CFAP73: variants seen among roughly 807,000 people sequenced by gnomAD.
CFAP73 encodes the protein cilia- and flagella-associated protein 73.
Under a neutral mutation model 42.9 loss-of-function variants are expected in CFAP73, and 33 were observed. That is an observed-to-expected ratio of 0.77 (90% confidence interval 0.58 to 1.03). CFAP73 has a LOEUF of 1.03. Among genes scored for constraint, CFAP73 ranks in the 50% least tolerant of loss-of-function variants. CFAP73 has a pLI of 0.00. For missense variants in CFAP73, 392 were observed against 411.9 expected, an observed-to-expected ratio of 0.95 and a Z score of 0.42; for synonymous variants, 162 against 186.8, an observed-to-expected ratio of 0.87 and a Z score of 1.08.
In CFAP73 at chr12:113,149,897, C is replaced by G; in HGVS notation, c.40C>G (p.Gln14Glu). 6.4e-7 allele frequency: 1 copy of G among 1,550,804 alleles called. No homozygotes were observed. Among genetic ancestry groups the G allele is most frequent in the South Asian group, 1.2e-5 (1 of 84,054 alleles). ...GGAGGAATATTTCCGACTGGCTTTG[C>G]AAGAGAAACTGTCTACGTGAGTGGG... ...PWEEYFRLAL[Q>E]EKLSTKLPEQ... The change falls in exon 1 of 8, where the codon CAA (glutamine) becomes GAA (glutamate). Residue 14 changes from glutamine to glutamate, a missense_variant. Physicochemically the swap from Gln to Glu is conservative, Grantham distance 29. Coordinates refer to ENST00000335621, the MANE Select transcript of CFAP73 (RefSeq NM_001144872.3).
rs954927257 is a variant in CFAP73 at position 113,158,550 on chromosome 12, C to G, written c.*12-151C>G. 21 of 282,092 alleles carry G rather than the reference C, an allele frequency of 7.4e-5. No individual in the cohort carries two copies. The highest frequency in any genetic ancestry group is 4.6e-4 in the African/African-American group (21 of 45,790). The allele number at this position is 282,092 out of a possible 1,614,324, so 17.5% of individuals were successfully genotyped here. On this transcript the variant is annotated intron_variant, in intron 7 of 7. Coordinates refer to ENST00000335621, the MANE Select transcript of CFAP73 (RefSeq NM_001144872.3). The surrounding 1 kb of genome is among the most constrained non-coding windows in gnomAD (Gnocchi z 4.9). Reference sequence around the variant, plus strand: ...TTCCATTGCCAAACCCTGAGGCACTCAGGGCTCTGACCGGTGCAGCCATGA... The same window carrying G: ...TTCCATTGCCAAACCCTGAGGCACTGAGGGCTCTGACCGGTGCAGCCATGA...
At chr12:113,156,516 T>C (rs1382702797) in intron 6 of CFAP73, among the ~76,000 whole-genome samples, 1 of 152,052 alleles carries the variant, frequency 6.6e-6, no homozygotes, top group Admixed American at 6.5e-5. Flanking sequence ...AGGAGTTTTG[T>C]CTGCGGCTCG....
chr12:113,157,314 C>T (rs1592993150), intron 6 of CFAP73: 1 of 448,946 alleles, frequency 2.2e-6, no homozygotes, highest in East Asian at 3.3e-5. Context: ...GAAAATAAAG[C>T]TGATTGATGT....
chr12:113,149,850 C>G lies in CFAP73; in HGVS notation c.-8C>G. ...GGTGGAAAGAAAGCTGGGGCAACTG[C>G]CAGAAGGATGGCGGTGCCCTGGGAG... On this transcript the variant is annotated 5_prime_UTR_variant, in exon 1 of 8. Transcript: ENST00000335621. 6.4e-7 allele frequency: 1 copy of G among 1,551,492 alleles called. No individual in the cohort carries two copies. The highest frequency in any genetic ancestry group is 8.7e-7 in the Non-Finnish European group (1 of 1,146,892).
rs1952096581 is a variant in CFAP73 at position 113,154,406 on chromosome 12, G to A, written c.469-8G>A. ...CCATGTGAGTCCCTTCCCCGCCCCC[G>A]ACTCTAGTTCCAAGAGGTTCCGGAG... On this transcript the variant is annotated splice_region_variant and splice_polypyrimidine_tract_variant and intron_variant, in intron 4 of 7. Transcript: ENST00000335621. The surrounding 1 kb of genome is among the most constrained non-coding windows in gnomAD (Gnocchi z 4.7). The A allele has an allele frequency of 6.5e-7, 1 of 1,548,582 alleles. No homozygotes were observed. Among genetic ancestry groups the A allele is most frequent in the Non-Finnish European group, 8.7e-7 (1 of 1,146,130 alleles).
Position 113,154,527 on chromosome 12 carries a change from G to A in CFAP73, c.582G>A (p.Arg194=), listed in dbSNP as rs1341439043. The A allele has an allele frequency of 6.7e-7, 1 of 1,500,272 alleles. No individual in the cohort carries two copies. Among genetic ancestry groups the A allele is most frequent in the Non-Finnish European group, 8.8e-7 (1 of 1,131,430 alleles). 92.9% of individuals were successfully genotyped at this position (1,500,272 alleles called of 1,614,324 possible). A position where few individuals can be genotyped will look rare whatever the true frequency, so the allele number is the denominator to read the frequency against. ...CGGAGCTGGAGGCGGCGCGAGCGCGGCTGCAGCAGCTGCGGGACGCCTGGC... is the reference window on the plus strand; with the variant it reads ...CGGAGCTGGAGGCGGCGCGAGCGCGACTGCAGCAGCTGCGGGACGCCTGGC... ...QLAELEAARA[R]LQQLRDAWPD... is the part of the protein sequence containing the mutation. Residue 194 remains arginine, a synonymous_variant, in exon 5 of 8, where the codon CGG becomes CGA. Coordinates refer to ENST00000335621, the MANE Select transcript of CFAP73 (RefSeq NM_001144872.3). This position sits in a 1 kb window ranked among gnomAD's most constrained non-coding sequence, Gnocchi z 4.7.
In CFAP73 at chr12:113,149,802, T is replaced by C. The variant is rs545997897; in HGVS notation, c.-56T>C. On this transcript the variant is annotated 5_prime_UTR_variant, in exon 1 of 8. Transcript: ENST00000335621. The stretch of plus-strand genomic sequence containing the variant: ...GCTCCACAGAACCCCCAGGGTCTCC[T>C]AAGCTTGTGCAAAACTCCAGCTGGT... 199 of 1,533,316 alleles carry C rather than the reference T, an allele frequency of 1.3e-4. 1 individual carries two copies. In the African/African-American group the frequency reaches 2.4e-3, roughly 19 times the overall value. The allele number at this position is 1,533,316 out of a possible 1,614,324, so 95.0% of individuals were successfully genotyped here.
At chr12:113,150,101 C>G (rs974281162) in intron 1 of CFAP73, among the ~76,000 whole-genome samples, 188 bp downstream of exon 1, 2 of 152,146 alleles carry the variant, frequency 1.3e-5, no homozygotes, top group Admixed American at 1.3e-4. Context: ...TCTCAGGGAT[C>G]GTTCCTGATC....
chr12:113,152,036 T>G lies in CFAP73; in HGVS notation c.162+13T>G. On this transcript the variant is annotated intron_variant, in intron 2 of 7. Transcript: ENST00000335621. ...GGCCCAGAAGGAGGTGAGCCCCCAC[T>G]ACTGTAACGAGGTGGTGAGCTGGTG... 1 of 1,534,042 alleles carries G rather than the reference T, an allele frequency of 6.5e-7. No individual in the cohort carries two copies. Among genetic ancestry groups the G allele is most frequent in the Non-Finnish European group, 8.8e-7 (1 of 1,131,562 alleles).
intron 1 of CFAP73, among the ~76,000 whole-genome samples, chr12:113,150,794 T>G (rs922039202): frequency 1.3e-5 from 2 of 152,050 alleles, no homozygotes; most frequent in Non-Finnish European, 2.9e-5. Flanking sequence ...CGCAGTTGGA[T>G]TCTCAGCTCC....
chr12:113,157,531 C>A (rs191674171), intron 6 of CFAP73, 71 bp from the exon 7 acceptor site: 2 of 1,319,466 alleles, frequency 1.5e-6, no homozygotes, highest in Admixed American at 2.0e-5. Flanking sequence ...CGGCCTCCCC[C>A]GCGTGTTGAG....
intron 1 of CFAP73, among the ~76,000 whole-genome samples, chr12:113,150,567 C>A (rs1952052978): frequency 6.6e-6 from 1 of 152,070 alleles, no homozygotes; most frequent in African/African-American, 2.4e-5. Flanking sequence ...CTCCCCTCCC[C>A]ACTCCATCAG....
In CFAP73 at chr12:113,152,904, G is replaced by A. The variant is rs1952077897; in HGVS notation, c.267+17G>A. On this transcript the variant is annotated intron_variant, in intron 3 of 7. Transcript: ENST00000335621. Reference sequence around the variant, plus strand: ...TTTTTGCAGGTAGGTGGAGCCTCCTGGGGGGGAGGCGGGGCCTATGGGTAG... The same window carrying A: ...TTTTTGCAGGTAGGTGGAGCCTCCTAGGGGGGAGGCGGGGCCTATGGGTAG... 8 of 1,496,680 alleles carry A rather than the reference G, an allele frequency of 5.3e-6. No individual in the cohort carries two copies. The highest frequency in any genetic ancestry group is 6.4e-6 in the Non-Finnish European group (7 of 1,097,080). The allele number at this position is 1,496,680 out of a possible 1,614,324, so 92.7% of individuals were successfully genotyped here.
chr12:113,154,277 C>T lies in CFAP73; in HGVS notation c.469-137C>T. The T allele has an allele frequency of 9.1e-7, 1 of 1,098,086 alleles. No individual in the cohort carries two copies. Among genetic ancestry groups the T allele is most frequent in the Non-Finnish European group, 1.3e-6 (1 of 763,984 alleles). 68.0% of individuals were successfully genotyped at this position (1,098,086 alleles called of 1,614,324 possible). On this transcript the variant is annotated intron_variant, in intron 4 of 7. Coordinates refer to ENST00000335621, the MANE Select transcript of CFAP73 (RefSeq NM_001144872.3). This position sits in a 1 kb window ranked among gnomAD's most constrained non-coding sequence, Gnocchi z 4.7. ...CAGGTGACAGAGCGAGACCTTGTCTCTAACAAATGGAGGTTGACATTTAAG... is the reference window on the plus strand; with the variant it reads ...CAGGTGACAGAGCGAGACCTTGTCTTTAACAAATGGAGGTTGACATTTAAG...
rs1177978654 is a variant in CFAP73, at chr12:113,151,976, A to T, written c.115A>T (p.Arg39Trp). ...ACCAGTACTGCGTCTCCTGGAGAAG[A>T]GGCAAGAGCTGGTAGATGCAGACCA... ...VPPVLRLLEK[R>W]QELVDADQAL... Residue 39 changes from arginine to tryptophan, a missense_variant, in exon 2 of 8, where the codon AGG becomes TGG. Transcript: ENST00000335621. 6.4e-7 allele frequency: 1 copy of T among 1,551,494 alleles called. No homozygotes were observed. Among genetic ancestry groups the T allele is most frequent in the Non-Finnish European group, 8.7e-7 (1 of 1,146,982 alleles).
rs1248733482 is a variant in CFAP73, at chr12:113,153,240, G to A, written c.300G>A (p.Arg100=). 2.6e-6 allele frequency: 4 copies of A among 1,520,250 alleles called. No individual in the cohort carries two copies. The highest frequency in any genetic ancestry group is 2.6e-5 in the East Asian group (1 of 39,166). 94.2% of individuals were successfully genotyped at this position (1,520,250 alleles called of 1,614,324 possible). A position where few individuals can be genotyped will look rare whatever the true frequency, so the allele number is the denominator to read the frequency against. Residue 100 remains arginine (R), a synonymous_variant, in exon 4 of 8, where the codon CGG becomes CGA. Transcript: ENST00000335621. The part of the protein sequence containing the change: ...DSEARRNRAL[R]RAAEERHQAG... ...AGGCCCGGCGCAATCGCGCGCTGCG[G>A]AGGGCGGCGGAGGAGAGGCACCAGG...
At chr12:113,157,848 G>A (rs1464236417) in intron 7 of CFAP73, 158 bp downstream of exon 7, 1 of 628,348 alleles carries the variant, frequency 1.6e-6, no homozygotes, top group Non-Finnish European at 2.8e-6. Context: ...GCCATGAGGG[G>A]CACATAGCAA....
Position 113,154,585 on chromosome 12 carries a change from G to A in CFAP73, c.640G>A (p.Ala214Thr), listed in dbSNP as rs981618701. 7 of 1,427,330 alleles carry A rather than the reference G, an allele frequency of 4.9e-6. No homozygotes were observed. The highest frequency in any genetic ancestry group is 4.5e-5 in the African/African-American group (3 of 66,172). The allele number at this position is 1,427,330 out of a possible 1,614,324, so 88.4% of individuals were successfully genotyped here. A position where few individuals can be genotyped will look rare whatever the true frequency, so the allele number is the denominator to read the frequency against. Residue 214 changes from alanine to threonine, a missense_variant, in exon 5 of 8, where the codon GCA (alanine) becomes ACA (threonine). Coordinates refer to ENST00000335621, the MANE Select transcript of CFAP73 (RefSeq NM_001144872.3). This position sits in a 1 kb window ranked among gnomAD's most constrained non-coding sequence, Gnocchi z 4.7. The part of the protein sequence containing the change: ...DEVLAQGQRR[A>T]QLQERLEAAR... ...GGTGCTCGCACAGGGCCAGCGGCGG[G>A]CACAGCTGCAGGAGCGCCTGGAGGC...
In CFAP73 at chr12:113,149,837, G is replaced by C; in HGVS notation, c.-21G>C. Reference sequence around the variant, plus strand: ...CAAAACTCCAGCTGGTGGAAAGAAAGCTGGGGCAACTGCCAGAAGGATGGC... The same window carrying C: ...CAAAACTCCAGCTGGTGGAAAGAAACCTGGGGCAACTGCCAGAAGGATGGC... On this transcript the variant is annotated 5_prime_UTR_variant, in exon 1 of 8. Coordinates refer to ENST00000335621, the MANE Select transcript of CFAP73 (RefSeq NM_001144872.3). 6.4e-7 allele frequency: 1 copy of C among 1,551,342 alleles called. No individual in the cohort carries two copies. Among genetic ancestry groups the C allele is most frequent in the Non-Finnish European group, 8.7e-7 (1 of 1,146,772 alleles).
Sources: gnomAD v4.1 joint callset for allele counts (sites outside exome capture counted in the v4.1 genomes callset) on GRCh38, gnomAD v4.1.1 for gene constraint, Gnocchi (gnomAD v3.1) non-coding constraint, MANE v1.5 for transcripts, NCBI Gene and HGNC (gene_info 2026-07-23, HGNC 2026-07-21) for gene names.